Variants in DPH6 observed in about 807,000 individuals in gnomAD.
DPH6 encodes the protein diphthamine biosynthesis 6, also known as diphthine--ammonia ligase.
A neutral mutation model predicts 38.2 loss-of-function variants in DPH6; 33 were observed. That is an observed-to-expected ratio of 0.86 (90% CI 0.65 to 1.15). DPH6 has a LOEUF of 1.15. DPH6 is among the 50% of genes most tolerant of loss of function. The pLI is 0.00. For missense variants in DPH6, 325 were observed against 320.0 expected (o/e 1.02, Z -0.12); for synonymous variants, 108 against 103.0 (o/e 1.05, Z -0.30).
chr15:35,506,348 T>TA, intron 3 of DPH6, among the ~76,000 whole-genome samples: 1 of 152,246 alleles, frequency 6.6e-6, no homozygotes, highest in South Asian at 2.1e-4. Flanking sequence ...TGTATGACAA[T>TA]ATTGTCTTTG....
intron 3 of DPH6, among the ~76,000 whole-genome samples, chr15:35,260,776 G>GACCTC (rs1337686834): frequency 2.6e-5 from 4 of 152,116 alleles, no homozygotes; most frequent in African/African-American, 9.6e-5. Flanking sequence ...TTTAGCCTCT[G>GACCTC]ACCTCAGGCA....
At chr15:35,272,139 T>TA (rs1158885698) in intron 3 of DPH6, among the ~76,000 whole-genome samples, 4 of 151,642 alleles carry the variant, frequency 2.6e-5, no homozygotes, top group South Asian at 2.1e-4. Context: ...AACAATACAA[T>TA]AAAAAAACAC....
chr15:35,158,567 G>A, the DPH6 span, among the ~76,000 whole-genome samples: 2 of 151,904 alleles, frequency 1.3e-5, no homozygotes, highest in Admixed American at 6.6e-5. Context: ...AGAAAAACTA[G>A]AAAAACTGGT....
chr15:35,361,446 T>C (rs1326662435), intron 3 of DPH6, among the ~76,000 whole-genome samples: 3 of 152,178 alleles, frequency 2.0e-5, no homozygotes, highest in African/African-American at 4.8e-5. Flanking sequence ...CCTTTGATCT[T>C]GAATTTGGAT....
At chr15:35,261,366 C>T (rs2051745171) in intron 3 of DPH6, among the ~76,000 whole-genome samples, 1 of 152,180 alleles carries the variant, frequency 6.6e-6, no homozygotes, top group South Asian at 2.1e-4. Context: ...GTTATTGTTA[C>T]TTCCTTCTTC....
intron 3 of DPH6, among the ~76,000 whole-genome samples, chr15:35,279,060 A>ATAT (rs1179889001): frequency 2.4e-5 from 3 of 125,916 alleles, no homozygotes; most frequent in Non-Finnish European, 4.7e-5. Flanking sequence ...AAAAAAAAAA[A>ATAT]AAAAAAAAAT....
At chr15:35,422,216 C>T (rs2053514689) in intron 5 of DPH6, among the ~76,000 whole-genome samples, 1 of 151,456 alleles carries the variant, frequency 6.6e-6, no homozygotes, top group South Asian at 2.1e-4. Context: ...TTTAAGTTTC[C>T]CATGAATCAT....
chr15:35,475,947 C>G (rs1037091296), intron 3 of DPH6, among the ~76,000 whole-genome samples: 1 of 151,560 alleles, frequency 6.6e-6, no homozygotes, highest in African/African-American at 2.4e-5. Flanking sequence ...TAATACAAAA[C>G]AGTAAATGAA....
chr15:35,454,693 TCA>T, intron 4 of DPH6, 52 bp downstream of exon 4: 1 of 1,422,432 alleles, frequency 7.0e-7, no homozygotes, highest in Non-Finnish European at 9.8e-7. Flanking sequence ...TTTCACTTAT[TCA>T]CATTCTTAAA....
intron 5 of DPH6, among the ~76,000 whole-genome samples, chr15:35,423,148 T>C (rs2053526862): frequency 6.6e-6 from 1 of 151,918 alleles, no homozygotes; most frequent in African/African-American, 2.4e-5. Flanking sequence ...CTGTTTTCCA[T>C]AATGGCTGTA....
chr15:35,399,988 T>C (rs1346993038), intron 6 of DPH6, among the ~76,000 whole-genome samples: 1 of 152,228 alleles, frequency 6.6e-6, no homozygotes, highest in Non-Finnish European at 1.5e-5. Flanking sequence ...CCCAGTATTA[T>C]GAGCACATGC....
chr15:35,475,986 A>G (rs1283307932), intron 3 of DPH6, among the ~76,000 whole-genome samples: 1 of 151,856 alleles, frequency 6.6e-6, no homozygotes, highest in Non-Finnish European at 1.5e-5. Flanking sequence ...ACAGAACAAA[A>G]CATTAAGACA....
chr15:35,288,998 T>G (rs1342661527), intron 3 of DPH6, among the ~76,000 whole-genome samples: 1 of 152,170 alleles, frequency 6.6e-6, no homozygotes, highest in Non-Finnish European at 1.5e-5. Flanking sequence ...AAAAGGCTTT[T>G]GGGGGTAAAA....
intron 3 of DPH6, among the ~76,000 whole-genome samples, chr15:35,473,951 TGTGTGTGCGCGC>T (rs1002626084): frequency 3.2e-4 from 9 of 28,042 alleles, no homozygotes; most frequent in African/African-American, 4.6e-4. Flanking sequence ...TGTGTGTGTG[TGTGTGTGCGCGC>T]GCGCGCGTGA....
intron 5 of DPH6, among the ~76,000 whole-genome samples, chr15:35,439,315 T>G (rs987356820): frequency 2.6e-5 from 4 of 152,232 alleles, no homozygotes; most frequent in Non-Finnish European, 5.9e-5. Context: ...GCAACTTATT[T>G]TGAGCTATTT....
intron 3 of DPH6, among the ~76,000 whole-genome samples, chr15:35,535,404 A>T (rs754968868): frequency 3.3e-5 from 5 of 152,152 alleles, no homozygotes; most frequent in Non-Finnish European, 7.4e-5. Flanking sequence ...AAAGTCCCCT[A>T]AGGCAGTTTA....
At chr15:35,430,335 G>C (rs1022025661) in intron 5 of DPH6, among the ~76,000 whole-genome samples, 23 of 151,466 alleles carry the variant, frequency 1.5e-4, no homozygotes, top group African/African-American at 5.6e-4. Context: ...AAGATAAATA[G>C]GCAACTTGTA....
intron 3 of DPH6, among the ~76,000 whole-genome samples, chr15:35,364,001 A>G (rs951867679): frequency 6.6e-6 from 1 of 151,964 alleles, no homozygotes; most frequent in Non-Finnish European, 1.5e-5. Flanking sequence ...TTATTCTTAC[A>G]TATAGTTAAT....
intron 3 of DPH6, among the ~76,000 whole-genome samples, chr15:35,474,227 T>C (rs1280351520): frequency 1.3e-5 from 2 of 152,084 alleles, no homozygotes; most frequent in East Asian, 1.9e-4. Context: ...GTTAAATTTT[T>C]CCCCTCTTTA....
Sources: allele counts gnomAD v4.1 joint callset (sites outside exome capture counted in the v4.1 genomes callset), GRCh38; gene constraint gnomAD v4.1.1; transcripts MANE v1.5; gene names NCBI Gene and HGNC (gene_info 2026-07-23, HGNC 2026-07-21).